Variants in KIF3C observed in about 807,000 individuals in gnomAD.
The protein encoded by KIF3C is kinesin-like protein KIF3C.
Under a neutral mutation model 67.7 loss-of-function variants are expected in KIF3C, and 12 were observed. The observed-to-expected ratio is 0.18, with a 90% CI of 0.11 to 0.29. KIF3C has a LOEUF of 0.29. KIF3C is among the 10% of genes least tolerant of loss of function. The pLI is 1.00. For missense variants in KIF3C, 789 were observed against 1,059.6 expected, an observed-to-expected ratio of 0.74 and a Z score of 3.55; for synonymous variants, 393 against 426.2, an observed-to-expected ratio of 0.92 and a Z score of 0.96.
chr2:25,976,756 A>T (rs1214126150), intron 1 of KIF3C, among the ~76,000 whole-genome samples: 2 of 152,140 alleles, frequency 1.3e-5, no homozygotes, highest in Admixed American at 6.5e-5. Flanking sequence ...ACGAAACTCC[A>T]TCTCAAAAAA....
At chr2:25,953,940 T>C (rs896446782) in intron 4 of KIF3C, among the ~76,000 whole-genome samples, 2 of 152,172 alleles carry the variant, frequency 1.3e-5, no homozygotes, top group Admixed American at 1.3e-4. Context: ...GTGCTGGGAT[T>C]ACAGGCATGA....
At chr2:25,976,407 C>G (rs1664416588) in intron 1 of KIF3C, among the ~76,000 whole-genome samples, 2 of 152,114 alleles carry the variant, frequency 1.3e-5, no homozygotes, top group Non-Finnish European at 1.5e-5. Flanking sequence ...CACAAACACT[C>G]TTTTTTTCCT....
At chr2:25,933,925 T>C (rs2090483250) in intron 5 of KIF3C, 2 of 319,364 alleles carry the variant, frequency 6.3e-6, no homozygotes, top group Admixed American at 4.6e-5. Flanking sequence ...CAAATGATCA[T>C]AGCAGCATTA....
At chr2:25,935,181 T>C (rs1168389967) in intron 5 of KIF3C, among the ~76,000 whole-genome samples, 1 of 152,024 alleles carries the variant, frequency 6.6e-6, no homozygotes, top group Non-Finnish European at 1.5e-5. Flanking sequence ...GAGGCAGAAG[T>C]TGCAGTGAGC....
At chr2:25,947,352 C>G (rs1012765987) in intron 5 of KIF3C, among the ~76,000 whole-genome samples, 2 of 151,840 alleles carry the variant, frequency 1.3e-5, no homozygotes, top group African/African-American at 4.8e-5. Context: ...GAGGCCGGGG[C>G]GGGCAGATCA....
rs1178446864 is a variant in KIF3C at position 25,927,765 on chromosome 2, A to T, written c.*1213T>A. 1 of 152,486 alleles carries T rather than the reference A, an allele frequency of 6.6e-6. No individual in the cohort carries two copies. The highest frequency in any genetic ancestry group is 1.5e-5 in the Non-Finnish European group (1 of 68,048). 9.4% of individuals were successfully genotyped at this position (152,486 alleles called of 1,614,324 possible). On this transcript the variant is annotated 3_prime_UTR_variant, in exon 8 of 8. Transcript: ENST00000264712. Reference sequence around the variant, plus strand: ...AAAATATACACTTAAAAAGCCAGTCAATGAACATTAACCATTTTTTTTTGT... The same window carrying T: ...AAAATATACACTTAAAAAGCCAGTCTATGAACATTAACCATTTTTTTTTGT...
At chr2:25,929,191 C>T (rs936697645) in intron 7 of KIF3C, 114 bp downstream of exon 7, 2 of 1,405,494 alleles carry the variant, frequency 1.4e-6, no homozygotes, top group South Asian at 2.5e-5. Context: ...CCCCAGTCAC[C>T]CCTTGCCCTT....
intron 5 of KIF3C, among the ~76,000 whole-genome samples, chr2:25,947,397 T>A (rs192399564): frequency 2.0e-5 from 3 of 152,102 alleles, no homozygotes; most frequent in Middle Eastern, 3.4e-3. Context: ...CTGGCTAACA[T>A]GGTGAAACCC....
intron 4 of KIF3C, among the ~76,000 whole-genome samples, chr2:25,953,705 C>T (rs1415241531): frequency 7.1e-6 from 1 of 140,674 alleles, no homozygotes; most frequent in Non-Finnish European, 1.5e-5. Flanking sequence ...TTGTCTCGCT[C>T]TGTCGCCCAG....
intron 5 of KIF3C, among the ~76,000 whole-genome samples, chr2:25,931,560 C>T (rs2090459005): frequency 6.6e-6 from 1 of 152,146 alleles, no homozygotes; most frequent in East Asian, 1.9e-4. Flanking sequence ...TTCTTCACTC[C>T]TGTTGCTTTA....
At chr2:25,956,314 C>T (rs371809692) in intron 2 of KIF3C, 29 bp downstream of exon 2, 5 of 1,557,086 alleles carry the variant, frequency 3.2e-6, no homozygotes, top group Non-Finnish European at 4.4e-6. Context: ...CCACACTCTC[C>T]AAGGGGACCT....
intron 5 of KIF3C, among the ~76,000 whole-genome samples, chr2:25,933,864 G>A (rs777091417): frequency 4.6e-5 from 7 of 151,878 alleles, no homozygotes; most frequent in Non-Finnish European, 1.0e-4. Context: ...TCCACTACTA[G>A]GCATATACTC....
chr2:25,939,778 C>G (rs554393802), intron 5 of KIF3C, among the ~76,000 whole-genome samples: 2 of 152,054 alleles, frequency 1.3e-5, no homozygotes, highest in East Asian at 3.9e-4. Flanking sequence ...CATTGAAACC[C>G]TGCCTCTACT....
chr2:25,974,310 C>T (rs552984317), intron 1 of KIF3C, among the ~76,000 whole-genome samples: 98 of 152,100 alleles, frequency 6.4e-4, no homozygotes, highest in Non-Finnish European at 1.3e-3. Flanking sequence ...CCTCGTGATC[C>T]ACCCACCTCG....
At chr2:25,967,398 C>T (rs1424447176) in intron 1 of KIF3C, among the ~76,000 whole-genome samples, 1 of 152,198 alleles carries the variant, frequency 6.6e-6, no homozygotes, top group Non-Finnish European at 1.5e-5. Context: ...TCCAGTCGGG[C>T]TACACACTCT....
intron 7 of KIF3C, 66 bp from the exon 8 acceptor site, chr2:25,929,137 C>T: frequency 6.8e-7 from 1 of 1,470,162 alleles, no homozygotes; most frequent in Non-Finnish European, 9.5e-7. Flanking sequence ...AAAGTGGGTC[C>T]TCTCCTTTGC....
chr2:25,949,460 A>C (rs1276529440), intron 5 of KIF3C, among the ~76,000 whole-genome samples: 1 of 152,042 alleles, frequency 6.6e-6, no homozygotes, highest in Non-Finnish European at 1.5e-5. Context: ...GGAGGACCAC[A>C]TGAGCCTGGG....
intron 7 of KIF3C, 61 bp from the exon 8 acceptor site, chr2:25,929,132 G>A (rs1422378392): frequency 1.3e-6 from 2 of 1,498,028 alleles, no homozygotes; most frequent in East Asian, 4.5e-5. Flanking sequence ...ACAGGAAAGT[G>A]GGTCCTCTCC....
chr2:25,951,957 G>T, intron 4 of KIF3C, 52 bp from the exon 5 acceptor site: 2 of 1,213,698 alleles, frequency 1.6e-6, no homozygotes, highest in Non-Finnish European at 1.2e-6. Flanking sequence ...GAGAGACCAC[G>T]TGGTGCATGT....
Sources: allele counts gnomAD v4.1 joint callset (sites outside exome capture counted in the v4.1 genomes callset), GRCh38; gene constraint gnomAD v4.1.1; transcripts MANE v1.5; gene names NCBI Gene and HGNC (gene_info 2026-07-23, HGNC 2026-07-21).